SETDB2: variants seen among roughly 807,000 people sequenced by gnomAD.
SETDB2 encodes the protein SET domain bifurcated histone lysine methyltransferase 2.
SETDB2 carries 56 observed loss-of-function variants against 82.5 expected under a neutral mutation model. The ratio of observed to expected loss-of-function variants is 0.68; its 90% CI spans 0.55 to 0.85. The LOEUF (loss-of-function observed/expected upper bound fraction) is 0.85. Among genes scored for constraint, SETDB2 ranks in the 40% least tolerant of loss-of-function variants. The pLI, the probability that SETDB2 is intolerant of heterozygous loss-of-function variation, is 0.00. For missense variants in SETDB2, 677 were observed against 816.4 expected, an observed-to-expected ratio of 0.83 and a Z score of 2.08; for synonymous variants, 272 against 284.9, an observed-to-expected ratio of 0.95 and a Z score of 0.46.
chr13:49,486,098 G>A (rs1295430730), intron 11 of SETDB2, among the ~76,000 whole-genome samples: 6 of 152,108 alleles, frequency 3.9e-5, no homozygotes. Context: ...AGGCAGGAGG[G>A]CTGCTTGAGG....
intron 1 of SETDB2, chr13:49,446,417 C>CT (rs1566150661): frequency 8.8e-6 from 4 of 456,430 alleles, no homozygotes; most frequent in South Asian, 6.2e-5. Flanking sequence ...CCTCACTCCT[C>CT]TCCCTCCCTA....
chr13:49,449,964 T>A (rs1957757537), intron 1 of SETDB2, among the ~76,000 whole-genome samples: 1 of 152,206 alleles, frequency 6.6e-6, no homozygotes, highest in Admixed American at 6.5e-5. Context: ...ATCTTTAGTA[T>A]GGAAAGATAG....
At chr13:49,480,071 T>G (rs561654262) in intron 6 of SETDB2, 148 bp from the exon 7 acceptor site, 23 of 551,004 alleles carry the variant, frequency 4.2e-5, no homozygotes, top group African/African-American at 3.5e-4. Flanking sequence ...AGAGATCTAT[T>G]TAGGGAAAAA....
At chr13:49,476,440 A>C in intron 5 of SETDB2, 36 bp from the exon 6 acceptor site, 1 of 1,357,400 alleles carries the variant, frequency 7.4e-7, no homozygotes, top group African/African-American at 1.5e-5. Flanking sequence ...ATTGAACTAT[A>C]AATTTGAGAT....
chr13:49,476,769 C>T lies in SETDB2; in HGVS notation c.599C>T (p.Thr200Ile). 1.2e-6 allele frequency: 2 copies of T among 1,613,932 alleles called. No individual in the cohort carries two copies. Among genetic ancestry groups the T allele is most frequent in the South Asian group, 1.1e-5 (1 of 91,076 alleles). ...VEEVFRYLLE[T>I]ECNFLFTDNF... ...GAAGTTTTTCGTTACCTGCTTGAGA[C>T]AGAGTGTAACTTTTTATTTACAGAT... Residue 200 changes from threonine (T) to isoleucine (I), a missense_variant, in exon 6 of 14, where the codon ACA (threonine) becomes ATA (isoleucine). Physicochemically the swap from Thr to Ile is moderately conservative, Grantham distance 89. This residue lies in a region of SETDB2 where 243 missense variants were observed against 237.2 expected (regional missense o/e 1.02). Transcript: ENST00000611815.
chr13:49,451,496 T>C (rs918986578), intron 1 of SETDB2, 57 bp from the exon 2 acceptor site: 1 of 147,894 alleles, frequency 6.8e-6, no homozygotes, highest in Non-Finnish European at 1.5e-5. Flanking sequence ...TATATATATA[T>C]ATATATATAT....
At chr13:49,482,594 A>G in intron 8 of SETDB2, 143 bp from the exon 9 acceptor site, 1 of 609,428 alleles carries the variant, frequency 1.6e-6, no homozygotes. Context: ...TTGTCTTGCA[A>G]CAGTTTTGTA....
Position 49,461,233 on chromosome 13 carries a change from A to C in SETDB2, c.208+71A>C. 3.0e-6 allele frequency: 3 copies of C among 1,015,048 alleles called. No individual in the cohort carries two copies. In the Middle Eastern group the frequency reaches 6.6e-4, roughly 222 times the overall value. 62.9% of individuals were successfully genotyped at this position (1,015,048 alleles called of 1,614,324 possible). A position where few individuals can be genotyped will look rare whatever the true frequency, so the allele number is the denominator to read the frequency against. ...CTTGCCATGAAGCAGGATAGCTTTA[A>C]TATGTTGGGCTAATTAAAGATAATT... On this transcript the variant is annotated intron_variant, in intron 4 of 13. Coordinates refer to ENST00000611815, the MANE Select transcript of SETDB2 (RefSeq NM_001160308.3).
At position 49,487,075 on chromosome 13, in the gene SETDB2, G is replaced by A. The variant is rs148224605; in HGVS notation, c.1577-1215G>A. ...CATTGACTGCTACAATATATATAGC[G>A]GGTACTCCAAAAGTCAAAAGCTACA... On this transcript the variant is annotated intron_variant, in intron 11 of 13. Transcript: ENST00000611815. Among the ~76,000 whole-genome samples the A allele has an allele frequency of 5.7e-3, 874 of 152,032 alleles. 6 individuals carry two copies. The highest frequency in any genetic ancestry group is 0.027 in the Middle Eastern group (8 of 294).
intron 1 of SETDB2, among the ~76,000 whole-genome samples, chr13:49,450,059 T>C (rs1262594036): frequency 1.3e-5 from 2 of 152,228 alleles, no homozygotes; most frequent in Non-Finnish European, 1.5e-5. Context: ...ATCTCATTAC[T>C]AGTCTAATAC....
chr13:49,459,820 A>G (rs905605299), intron 2 of SETDB2: 3 of 262,550 alleles, frequency 1.1e-5, no homozygotes, highest in Non-Finnish European at 2.1e-5. Flanking sequence ...TATACCCCAC[A>G]ACCACTCTCC....
At chr13:49,485,482 A>C (rs1291045120) in intron 10 of SETDB2, 148 bp from the exon 11 acceptor site, 4 of 627,756 alleles carry the variant, frequency 6.4e-6, no homozygotes, top group Non-Finnish European at 1.1e-5. Flanking sequence ...CATTAGTCTA[A>C]AGACTCCTTA....
intron 5 of SETDB2, among the ~76,000 whole-genome samples, chr13:49,474,011 C>CTTTGGGAGGCCG (rs1958302186): frequency 6.6e-6 from 1 of 152,158 alleles, no homozygotes; most frequent in African/African-American, 2.4e-5. Flanking sequence ...CCTATAACCC[C>CTTTGGGAGGCCG]AGCACTTTGG....
intron 5 of SETDB2, among the ~76,000 whole-genome samples, chr13:49,474,216 C>A (rs1390171768): frequency 6.6e-6 from 1 of 152,002 alleles, no homozygotes; most frequent in African/African-American, 2.4e-5. Flanking sequence ...GAGCTGAGGT[C>A]ATGCCACTGC....
intron 12 of SETDB2, chr13:49,489,235 C>T: frequency 6.1e-6 from 1 of 164,844 alleles, no homozygotes; most frequent in South Asian, 1.8e-4. Flanking sequence ...TCCTGAGTAG[C>T]TGAGATTACA....
At chr13:49,478,028 T>C (rs1048616095) in intron 6 of SETDB2, among the ~76,000 whole-genome samples, 14 of 152,176 alleles carry the variant, frequency 9.2e-5, no homozygotes, top group Admixed American at 9.2e-4. Flanking sequence ...TACTTTTAAT[T>C]TAATGCAAAT....
intron 4 of SETDB2, among the ~76,000 whole-genome samples, chr13:49,466,765 T>C (rs1199678134): frequency 6.6e-6 from 1 of 151,274 alleles, no homozygotes; most frequent in Non-Finnish European, 1.5e-5. Flanking sequence ...CCACCTCAGT[T>C]CCTAAATAGC....
At chr13:49,464,819 T>C (rs1018719118) in intron 4 of SETDB2, among the ~76,000 whole-genome samples, 1 of 152,112 alleles carries the variant, frequency 6.6e-6, no homozygotes. Flanking sequence ...CCAAGCACTT[T>C]AGGAGGCTGA....
At chr13:49,488,231 T>G in intron 11 of SETDB2, 59 bp from the exon 12 acceptor site, 3 of 1,512,196 alleles carry the variant, frequency 2.0e-6, no homozygotes, top group Non-Finnish European at 2.6e-6. Context: ...TGTTGTTAAT[T>G]TCAGCACTAT....
Sources: allele counts gnomAD v4.1 joint callset (sites outside exome capture counted in the v4.1 genomes callset), GRCh38; gene constraint gnomAD v4.1.1; regional missense constraint gnomAD v4.1.1; transcripts MANE v1.5; gene names NCBI Gene and HGNC (gene_info 2026-07-23, HGNC 2026-07-21).